The following CLCN1 variants were observed in gnomAD, a reference collection of about 807,000 sequenced individuals.
The protein encoded by CLCN1 is chloride voltage-gated channel 1.
In CLCN1, 100 loss-of-function variants were observed where a neutral mutation model predicts 114.5. The ratio of observed to expected loss-of-function variants is 0.87; its 90% confidence interval spans 0.74 to 1.03. CLCN1 has a LOEUF of 1.03. CLCN1 is among the 50% of genes least tolerant of loss of function. The probability of loss-of-function intolerance (pLI) is 0.00; values close to 1 mark genes in which losing one functional copy is unlikely to be tolerated. For missense variants in CLCN1, 1,188 were observed against 1,250.0 expected (o/e 0.95, Z 0.75); for synonymous variants, 485 against 487.1 (o/e 1.00, Z 0.06).
intron 1 of CLCN1, among the ~76,000 whole-genome samples, chr7:143,316,707 G>A (rs1457021919): frequency 1.3e-5 from 2 of 152,204 alleles, no homozygotes; most frequent in Non-Finnish European, 2.9e-5. Context: ...AGTGGATTGC[G>A]TAGGAGCCCA....
chr7:143,334,716 G>C (rs1030663765), intron 12 of CLCN1, among the ~76,000 whole-genome samples: 3 of 152,202 alleles, frequency 2.0e-5, no homozygotes, highest in African/African-American at 7.2e-5. Flanking sequence ...TCTAGAAACT[G>C]TATTTGCAAA....
Position 143,350,252 on chromosome 7 carries a change from A to T in CLCN1, c.2404-120A>T. The T allele has an allele frequency of 1.3e-6, 1 of 750,980 alleles. No individual in the cohort carries two copies. The highest frequency in any genetic ancestry group is 2.7e-5 in the East Asian group (1 of 37,414). 46.5% of individuals were successfully genotyped at this position (750,980 alleles called of 1,614,324 possible). ...CCTCTGATCTGGGGGATCTATGATC[A>T]GTTCTTGCATGTTCCCAGATTCTGG... On this transcript the variant is annotated intron_variant, in intron 20 of 22. Coordinates refer to ENST00000343257, the MANE Select transcript of CLCN1 (RefSeq NM_000083.3). The surrounding 1 kb of genome is among the most constrained non-coding windows in gnomAD (Gnocchi z 5.1).
At chr7:143,343,942 G>GTGATTCTC (rs1803158094) in intron 16 of CLCN1, among the ~76,000 whole-genome samples, 1 of 152,130 alleles carries the variant, frequency 6.6e-6, no homozygotes, top group Non-Finnish European at 1.5e-5. Flanking sequence ...TGGGTTCTAA[G>GTGATTCTC]TGATTCTCCT....
Position 143,339,492 on chromosome 7 carries a change from C to A in CLCN1, c.1472-19C>A. The A allele has an allele frequency of 6.3e-7, 1 of 1,582,196 alleles. No individual in the cohort carries two copies. The highest frequency in any genetic ancestry group is 8.7e-7 in the Non-Finnish European group (1 of 1,150,862). On this transcript the variant is annotated intron_variant, in intron 13 of 22. Coordinates refer to ENST00000343257, the MANE Select transcript of CLCN1 (RefSeq NM_000083.3). The surrounding 1 kb of genome is among the most constrained non-coding windows in gnomAD (Gnocchi z 4.1). ...ACTTGGATCTCGTAACACCTTCCTTCCTTTTATCTTCCCTCTAGGAGCTGC... is the reference window on the plus strand; with the variant it reads ...ACTTGGATCTCGTAACACCTTCCTTACTTTTATCTTCCCTCTAGGAGCTGC...
At chr7:143,331,753 G>T (rs1767155404) in intron 10 of CLCN1, 101 bp downstream of exon 10, 2 of 812,792 alleles carry the variant, frequency 2.5e-6, no homozygotes, top group Non-Finnish European at 4.3e-6. Flanking sequence ...GCCTCTGGGT[G>T]GCTTGCATTA....
In CLCN1 at chr7:143,318,759, G is replaced by C. The variant is rs374959400; in HGVS notation, c.181-996G>C. On this transcript the variant is annotated intron_variant, in intron 1 of 22. Coordinates refer to ENST00000343257, the MANE Select transcript of CLCN1 (RefSeq NM_000083.3). Reference sequence around the variant, plus strand: ...AGCCTCAGCTGTCTGACTTCCACTGGGAAGTATGTTCTCTCTCTGGGTCCC... The same window carrying C: ...AGCCTCAGCTGTCTGACTTCCACTGCGAAGTATGTTCTCTCTCTGGGTCCC... Among the ~76,000 whole-genome samples the C allele has an allele frequency of 5.9e-5, 9 of 152,162 alleles. No homozygotes were observed. In the East Asian group the frequency reaches 1.7e-3, roughly 29 times the overall value.
chr7:143,332,739 G>GC lies in CLCN1; in HGVS notation c.1269dup (p.Ile424HisfsTer6), dbSNP rs2116855121. 2.5e-6 allele frequency: 4 copies of GC among 1,614,168 alleles called. No homozygotes were observed. Among genetic ancestry groups the GC allele is most frequent in the Non-Finnish European group, 2.5e-6 (3 of 1,180,038 alleles). Reference sequence around the variant, plus strand: ...CCTCTCCCAGTTGATGCCCCGCGAAGCCATCAGTACTTTGTTTGACAACAA... The same window carrying GC: ...CCTCTCCCAGTTGATGCCCCGCGAAGCCCATCAGTACTTTGTTTGACAACAA... On this transcript the variant is annotated frameshift_variant, in exon 12 of 23. Transcript: ENST00000343257. LOFTEE classifies it high-confidence loss of function.
At chr7:143,351,055 G>C (rs1484272567) in intron 22 of CLCN1, among the ~76,000 whole-genome samples, 1 of 152,158 alleles carries the variant, frequency 6.6e-6, no homozygotes, top group East Asian at 1.9e-4. Context: ...TGCGATTCTA[G>C]GCATGAGCCA....
rs1310981904 is a variant in CLCN1, at chr7:143,350,734, T to C, written c.2595+80T>C. On this transcript the variant is annotated intron_variant, in intron 22 of 22. Transcript: ENST00000343257. This position sits in a 1 kb window ranked among gnomAD's most constrained non-coding sequence, Gnocchi z 5.1. ...GGGGATGCAGTGGGGACAGAAGGAA[T>C]ATTAGCATCTCAGAAGTCCCCTCAG... 3.0e-6 allele frequency: 3 copies of C among 1,003,906 alleles called. No homozygotes were observed. Among genetic ancestry groups the C allele is most frequent in the Admixed American group, 3.5e-5 (2 of 56,572 alleles). 62.2% of individuals were successfully genotyped at this position (1,003,906 alleles called of 1,614,324 possible).
rs113034643 is a variant in CLCN1 at position 143,328,974 on chromosome 7, T to C, written c.854-1798T>C. On this transcript the variant is annotated intron_variant, in intron 7 of 22. Transcript: ENST00000343257. The stretch of plus-strand genomic sequence containing the variant: ...TTCAAGGAATTTTCTTTCTTTCTTT[T>C]TTTTTTTTTTCAAGATGGAGTCTTG... Among the ~76,000 whole-genome samples, 1,015 of 151,328 alleles carry C rather than the reference T, an allele frequency of 6.7e-3. 10 individuals are homozygous for C. The highest frequency in any genetic ancestry group is 0.023 in the African/African-American group (950 of 41,314).
rs758353475 is a variant in CLCN1, at chr7:143,339,625, A to G, written c.1582+4A>G. The G allele has an allele frequency of 1.3e-6, 2 of 1,544,160 alleles. No individual in the cohort carries two copies. The highest frequency in any genetic ancestry group is 2.2e-5 in the South Asian group (2 of 89,768). ...CCTGGGGGCTATGCAGTAATTGGTG[A>G]GAAACATTCCCACTTCCCTGTAATC... On this transcript the variant is annotated splice_donor_region_variant and intron_variant, in intron 14 of 22. Transcript: ENST00000343257. The surrounding 1 kb of genome is among the most constrained non-coding windows in gnomAD (Gnocchi z 4.1).
Position 143,321,339 on chromosome 7 carries a change from C to T in CLCN1, c.434-26C>T. 6.2e-7 allele frequency: 1 copy of T among 1,613,864 alleles called. No homozygotes were observed. The highest frequency in any genetic ancestry group is 8.5e-7 in the Non-Finnish European group (1 of 1,179,922). On this transcript the variant is annotated intron_variant, in intron 3 of 22. Transcript: ENST00000343257. This position sits in a 1 kb window ranked among gnomAD's most constrained non-coding sequence, Gnocchi z 4.2. ...ACACGGCTGCTCAGCCATGTTCTGCCTAACCCCAGGCATGTGTCTCCGCAG... is the reference window on the plus strand; with the variant it reads ...ACACGGCTGCTCAGCCATGTTCTGCTTAACCCCAGGCATGTGTCTCCGCAG...
At chr7:143,329,609 G>A (rs554802368) in intron 7 of CLCN1, among the ~76,000 whole-genome samples, 3 of 152,258 alleles carry the variant, frequency 2.0e-5, no homozygotes, top group Admixed American at 2.0e-4. Flanking sequence ...TATAGCACAG[G>A]GAGAAGAAAA....
At chr7:143,347,667 GGT>G (rs144786668) in intron 20 of CLCN1, among the ~76,000 whole-genome samples, 24,023 of 149,914 alleles carry the variant, frequency 0.16, 1,964 homozygotes, top group Admixed American at 0.18. Flanking sequence ...ATCTGCTCCT[GGT>G]GGAGATTACT....
rs1399253572 is a variant in CLCN1, at chr7:143,324,490, G to A, written c.851G>A (p.Gly284Glu). 1 of 1,612,436 alleles carries A rather than the reference G, an allele frequency of 6.2e-7. No homozygotes were observed. Among genetic ancestry groups the A allele is most frequent in the South Asian group, 1.1e-5 (1 of 91,040 alleles). ...GGCTGTTGTTTTGGGACACCACTTG[G>A]AGGCAAGTGATTGACCCCCTCCCCC... ...GVGCCFGTPL[G>E]GVLFSIEVTS... The change falls in exon 7 of 23, where the codon GGA (glycine) becomes GAA (glutamate). Residue 284 changes from glycine to glutamate, a missense_variant and splice_region_variant. Coordinates refer to ENST00000343257, the MANE Select transcript of CLCN1 (RefSeq NM_000083.3). This position sits in a 1 kb window ranked among gnomAD's most constrained non-coding sequence, Gnocchi z 4.6.
At chr7:143,320,944 A>C (rs748692039) in intron 3 of CLCN1, 149 bp downstream of exon 3, 2 of 934,310 alleles carry the variant, frequency 2.1e-6, no homozygotes, top group Non-Finnish European at 3.4e-6. Context: ...CTCCAGGCCC[A>C]GAAAAGACCA....
intron 18 of CLCN1, 51 bp downstream of exon 18, chr7:143,346,302 G>A (rs772570278): frequency 3.9e-6 from 5 of 1,277,706 alleles, no homozygotes; most frequent in Non-Finnish European, 5.7e-6. Context: ...GGTTCTCTCT[G>A]GTCACTAGGA....
At chr7:143,330,613 G>A (rs558175531) in intron 7 of CLCN1, among the ~76,000 whole-genome samples, 159 bp from the exon 8 acceptor site, 13 of 152,194 alleles carry the variant, frequency 8.5e-5, no homozygotes, top group Non-Finnish European at 1.6e-4. Flanking sequence ...GAGCAGTTGT[G>A]TGGTTTTGAG....
In CLCN1 at chr7:143,342,041, G is replaced by C; in HGVS notation, c.1695G>C (p.Leu565Phe). ...HILPMMVAVI[L>F]ANMVAQSLQP... The stretch of plus-strand genomic sequence containing the variant: ...TGCCCATGATGGTGGCTGTTATCTT[G>C]GCCAACATGGTGGCCCAGAGCCTGC... The change falls in exon 15 of 23, where the codon TTG (leucine) becomes TTC (phenylalanine). Residue 565 changes from leucine (L) to phenylalanine (F), a missense_variant. By Grantham distance (22) the Leu-to-Phe change is conservative. Coordinates refer to ENST00000343257, the MANE Select transcript of CLCN1 (RefSeq NM_000083.3). 3 of 1,614,146 alleles carry C rather than the reference G, an allele frequency of 1.9e-6. No homozygotes were observed. Among genetic ancestry groups the C allele is most frequent in the Non-Finnish European group, 2.5e-6 (3 of 1,180,024 alleles).
Sources: allele counts gnomAD v4.1 joint callset (sites outside exome capture counted in the v4.1 genomes callset), GRCh38; gene constraint gnomAD v4.1.1; non-coding constraint Gnocchi (gnomAD v3.1); transcripts MANE v1.5; gene names NCBI Gene and HGNC (gene_info 2026-07-23, HGNC 2026-07-21).